The following GABRB3 variants were observed in gnomAD, a reference collection of about 807,000 sequenced individuals.
The protein encoded by GABRB3 is gamma-aminobutyric acid type A receptor subunit beta3, also known as gamma-aminobutyric acid receptor subunit beta-3.
GABRB3 carries 14 observed loss-of-function variants against 52.1 expected under a neutral mutation model. The observed-to-expected ratio is 0.27, with a 90% confidence interval of 0.18 to 0.42. GABRB3 has a LOEUF of 0.42. Ranked by LOEUF, GABRB3 falls within the 10% of genes least tolerant of loss-of-function variation. The pLI is 1.00. For synonymous variants in GABRB3, 260 were observed against 232.3 expected, an observed-to-expected ratio of 1.12 and a Z score of -1.08; for missense variants, 307 against 609.1, an observed-to-expected ratio of 0.50 and a Z score of 5.22.
Position 26,621,218 on chromosome 15 carries a change from A to T in GABRB3, c.461+96T>A. 1.0e-6 allele frequency: 1 copy of T among 975,042 alleles called. No individual in the cohort carries two copies. The allele number at this position is 975,042 out of a possible 1,614,324, so 60.4% of individuals were successfully genotyped here. A position where few individuals can be genotyped will look rare whatever the true frequency, so the allele number is the denominator to read the frequency against. ...TCATAGATGCTTCCTAATTTATCTGAGGTCATTGCCTCACTTACAATAATC... is the reference window on the plus strand; with the variant it reads ...TCATAGATGCTTCCTAATTTATCTGTGGTCATTGCCTCACTTACAATAATC... On this transcript the variant is annotated intron_variant, in intron 4 of 8. Coordinates refer to ENST00000311550, the MANE Select transcript of GABRB3 (RefSeq NM_000814.6). The surrounding 1 kb of genome is among the most constrained non-coding windows in gnomAD (Gnocchi z 4.1).
At chr15:26,712,183 T>TA (rs1889320653) in intron 3 of GABRB3, among the ~76,000 whole-genome samples, 1 of 150,332 alleles carries the variant, frequency 6.7e-6, no homozygotes, top group African/African-American at 2.5e-5. Flanking sequence ...TCTTTCTTTT[T>TA]TTTTTTTTGT....
chr15:26,729,595 C>A (rs1889856495), intron 3 of GABRB3, among the ~76,000 whole-genome samples: 1 of 152,224 alleles, frequency 6.6e-6, no homozygotes, highest in South Asian at 2.1e-4. Context: ...CCCCCAAATT[C>A]TCTGTGGATG....
intron 3 of GABRB3, among the ~76,000 whole-genome samples, chr15:26,703,548 T>C (rs1452353379): frequency 6.6e-6 from 1 of 152,320 alleles, no homozygotes; most frequent in Non-Finnish European, 1.5e-5. Flanking sequence ...CATCTCAGCA[T>C]CAACTTTGAA....
intron 6 of GABRB3, among the ~76,000 whole-genome samples, chr15:26,576,409 T>C (rs1311118346): frequency 6.6e-6 from 1 of 152,176 alleles, no homozygotes; most frequent in Non-Finnish European, 1.5e-5. Flanking sequence ...CGCTCATGTA[T>C]TAGTAGTGCA....
intron 3 of GABRB3, among the ~76,000 whole-genome samples, chr15:26,729,046 T>C (rs929860142): frequency 3.9e-5 from 6 of 152,330 alleles, no homozygotes; most frequent in Middle Eastern, 3.4e-3. Context: ...TAGTAACTTA[T>C]AAGAAAGATA....
In GABRB3 at chr15:26,690,925, G is replaced by C. The variant is rs553248070; in HGVS notation, c.241-69391C>G. On this transcript the variant is annotated intron_variant, in intron 3 of 8. Coordinates refer to ENST00000311550, the MANE Select transcript of GABRB3 (RefSeq NM_000814.6). ...TGATTACATCAGTGGTGATGCAAGA[G>C]TTCTGGCCAATCGCATTTGTTCTAC... Among the ~76,000 whole-genome samples the C allele has an allele frequency of 4.6e-4, 70 of 151,756 alleles. 1 individual carries two copies. Among genetic ancestry groups the C allele is most frequent in the African/African-American group, 1.6e-3 (67 of 41,484 alleles).
rs964407980 is a variant in GABRB3 at position 26,598,085 on chromosome 15, T to C, written c.462-14671A>G. Among the ~76,000 whole-genome samples, 14 of 152,140 alleles carry C rather than the reference T, an allele frequency of 9.2e-5. 1 individual carries two copies. In the East Asian group the frequency reaches 1.5e-3, roughly 17 times the overall value. On this transcript the variant is annotated intron_variant, in intron 4 of 8. Transcript: ENST00000311550. ...GTAACATAAAGATAGAAAACAACTT[T>C]TACCAAAACATTGGCAGAAAACCAT...
chr15:26,728,690 A>C (rs1434877387), intron 3 of GABRB3, among the ~76,000 whole-genome samples: 1 of 152,196 alleles, frequency 6.6e-6, no homozygotes, highest in East Asian at 1.9e-4. Flanking sequence ...AACGTATTTC[A>C]TCTTTCATGA....
Position 26,574,019 on chromosome 15 carries a change from C to T in GABRB3, c.683-6286G>A, listed in dbSNP as rs142469078. Among the ~76,000 whole-genome samples, 472 of 152,252 alleles carry T rather than the reference C, an allele frequency of 3.1e-3. 2 individuals carry two copies. The highest frequency in any genetic ancestry group is 0.011 in the African/African-American group (453 of 41,542). ...TGAGCCAAGATTGTGCCACTGCACT[C>T]CAGCCCGGGCGACAGACTAAGACCC... On this transcript the variant is annotated intron_variant, in intron 6 of 8. Transcript: ENST00000311550.
intron 3 of GABRB3, among the ~76,000 whole-genome samples, chr15:26,707,960 G>T (rs1889159237): frequency 6.6e-6 from 1 of 152,110 alleles, no homozygotes; most frequent in Non-Finnish European, 1.5e-5. Context: ...TATATCAATT[G>T]ATCATCCCCA....
intron 3 of GABRB3, among the ~76,000 whole-genome samples, chr15:26,648,978 T>C (rs57026589): frequency 0.26 from 39,520 of 151,516 alleles, 6,532 homozygotes; most frequent in East Asian, 0.83. Context: ...TAAGCAGAGA[T>C]GCAGGTGTGG....
intron 7 of GABRB3, among the ~76,000 whole-genome samples, chr15:26,566,333 A>G (rs1482845528): frequency 1.3e-5 from 2 of 152,184 alleles, no homozygotes; most frequent in Admixed American, 1.3e-4. Context: ...GATTACAACT[A>G]TGCAAGTCAC....
At chr15:26,730,272 G>T (rs1463124884) in intron 3 of GABRB3, among the ~76,000 whole-genome samples, 2 of 152,092 alleles carry the variant, frequency 1.3e-5, no homozygotes, top group Non-Finnish European at 2.9e-5. Flanking sequence ...AGGATGAATA[G>T]CCGGGCGTGG....
At chr15:26,631,711 TG>T (rs1892918042) in intron 3 of GABRB3, among the ~76,000 whole-genome samples, 1 of 152,242 alleles carries the variant, frequency 6.6e-6, no homozygotes. Flanking sequence ...AAATTTATTT[TG>T]GAAATTCCAA....
intron 3 of GABRB3, among the ~76,000 whole-genome samples, chr15:26,751,287 A>T (rs867231205): frequency 6.6e-6 from 1 of 152,202 alleles, no homozygotes; most frequent in Admixed American, 6.5e-5. Context: ...TTAAAATAAT[A>T]ACCTTTTAAA....
At chr15:26,715,152 GGA>G (rs1371506094) in intron 3 of GABRB3, among the ~76,000 whole-genome samples, 1 of 152,194 alleles carries the variant, frequency 6.6e-6, no homozygotes, top group Non-Finnish European at 1.5e-5. Flanking sequence ...GTGTGAGCAA[GGA>G]GAGAGTCTCT....
chr15:26,716,500 C>T (rs1889471399), intron 3 of GABRB3: 2 of 703,566 alleles, frequency 2.8e-6, no homozygotes, highest in Middle Eastern at 7.1e-4. Context: ...AGAAACGATG[C>T]TCAGGGGGTT....
At chr15:26,570,192 T>C (rs1223344082) in intron 6 of GABRB3, among the ~76,000 whole-genome samples, 1 of 152,250 alleles carries the variant, frequency 6.6e-6, no homozygotes, top group Non-Finnish European at 1.5e-5. Flanking sequence ...GCAAACCTAT[T>C]TTGAGGGTTG....
At chr15:26,706,074 A>T (rs2140124091) in intron 3 of GABRB3, among the ~76,000 whole-genome samples, 1 of 152,324 alleles carries the variant, frequency 6.6e-6, no homozygotes, top group South Asian at 2.1e-4. Context: ...ATAAATAGAT[A>T]AATACATATG....
Sources: allele counts gnomAD v4.1 joint callset (sites outside exome capture counted in the v4.1 genomes callset), GRCh38; gene constraint gnomAD v4.1.1; non-coding constraint Gnocchi (gnomAD v3.1); transcripts MANE v1.5; gene names NCBI Gene and HGNC (gene_info 2026-07-23, HGNC 2026-07-21).